NYNRIN: variants seen among roughly 807,000 people sequenced by gnomAD.
NYNRIN encodes the protein NYN domain and retroviral integrase containing.
A neutral mutation model predicts 146.6 loss-of-function variants in NYNRIN; 86 were observed. The observed-to-expected ratio is 0.59, with a 90% confidence interval of 0.49 to 0.70. The LOEUF is 0.70. NYNRIN is among the 30% of genes least tolerant of loss of function. The probability of loss-of-function intolerance (pLI) is 0.00; values close to 1 mark genes in which losing one functional copy is unlikely to be tolerated. For synonymous variants in NYNRIN, 1,027 were observed against 1,001.3 expected, an observed-to-expected ratio of 1.03 and a Z score of -0.48; for missense variants, 2,191 against 2,377.7, an observed-to-expected ratio of 0.92 and a Z score of 1.63.
chr14:24,414,166 T>G (rs1159983421), intron 8 of NYNRIN, among the ~76,000 whole-genome samples: 1 of 152,132 alleles, frequency 6.6e-6, no homozygotes, highest in Non-Finnish European at 1.5e-5. Flanking sequence ...CCTTGCCAAT[T>G]TGGAAAAAAG....
At chr14:24,407,577 A>G (rs1230929118) in intron 2 of NYNRIN, among the ~76,000 whole-genome samples, 1 of 152,194 alleles carries the variant, frequency 6.6e-6, no homozygotes, top group Non-Finnish European at 1.5e-5. Context: ...ATGCCCCACA[A>G]TTAACCTAAT....
intron 8 of NYNRIN, 68 bp from the exon 9 acceptor site, chr14:24,414,523 ACAGAG>A: frequency 8.7e-7 from 1 of 1,149,228 alleles, no homozygotes. Flanking sequence ...TGGGGTTTCC[ACAGAG>A]GTGCTTTCCC....
In NYNRIN at chr14:24,407,945, T is replaced by C. The variant is rs745526277; in HGVS notation, c.275T>C (p.Leu92Pro). 6.2e-7 allele frequency: 1 copy of C among 1,613,994 alleles called. No individual in the cohort carries two copies. Among genetic ancestry groups the C allele is most frequent in the Non-Finnish European group, 8.5e-7 (1 of 1,179,866 alleles). The change falls in exon 3 of 9, where the codon CTT becomes CCT. Residue 92 changes from leucine (L) to proline (P), a missense_variant. Leu to Pro is a moderately conservative substitution (Grantham distance 98). Around this residue, in one of 3 missense-constraint regions of NYNRIN, gnomAD observed 895 missense variants for 941.2 expected, o/e 0.95. Coordinates refer to ENST00000382554, the MANE Select transcript of NYNRIN (RefSeq NM_025081.3). ...RYPPILHCAF[L>P]GAQGLFLDCL... Reference sequence around the variant, plus strand: ...CCACCGATCCTGCACTGTGCCTTCCTTGGGGCCCAAGGCCTCTTCCTGGAC... The same window carrying C: ...CCACCGATCCTGCACTGTGCCTTCCCTGGGGCCCAAGGCCTCTTCCTGGAC...
rs765443117 is a variant in NYNRIN, at chr14:24,410,172, G to A, written c.2378G>A (p.Arg793Gln). 1.2e-5 allele frequency: 20 copies of A among 1,610,418 alleles called. No homozygotes were observed. Among genetic ancestry groups the A allele is most frequent in the Non-Finnish European group, 1.1e-5 (13 of 1,177,674 alleles). The change falls in exon 4 of 9, where the codon CGG (arginine) becomes CAG (glutamine). Residue 793 changes from arginine to glutamine, a missense_variant. By Grantham distance (43) the Arg-to-Gln change is conservative. Transcript: ENST00000382554. Reference protein sequence around the residue: ...LSGEPGNQGLRRVVIDGSSVA... With the variant: ...LSGEPGNQGLQRVVIDGSSVA... ...GGGGAACCTGGAAACCAGGGGTTGC[G>A]GCGAGTGGTCATCGATGGCAGCAGT...
In NYNRIN at chr14:24,409,901, G is replaced by A; in HGVS notation, c.2107G>A (p.Val703Ile). ...TLDVARLLSE[V>I]QPTSRASVSL... ...GGATGTAGCCAGACTTCTGAGTGAG[G>A]TCCAGCCTACATCAAGGGCTAGTGT... is the stretch of plus-strand genomic sequence containing the variant. Residue 703 changes from valine to isoleucine, a missense_variant, in exon 4 of 9, where the codon GTC (valine) becomes ATC (isoleucine). Physicochemically the swap from Val to Ile is conservative, Grantham distance 29. Around this residue, in one of 3 missense-constraint regions of NYNRIN, gnomAD observed 895 missense variants for 941.2 expected, o/e 0.95. Coordinates refer to ENST00000382554, the MANE Select transcript of NYNRIN (RefSeq NM_025081.3). 1 of 1,613,636 alleles carries A rather than the reference G, an allele frequency of 6.2e-7. No homozygotes were observed. Among genetic ancestry groups the A allele is most frequent in the Non-Finnish European group, 8.5e-7 (1 of 1,179,748 alleles).
At chr14:24,399,113 G>A in intron 1 of NYNRIN, 27 bp downstream of exon 1, 1 of 803,756 alleles carries the variant, frequency 1.2e-6, no homozygotes, top group Non-Finnish European at 1.9e-6. Context: ...GGAGGAAGGA[G>A]GCCGTGCGGG....
Position 24,408,174 on chromosome 14 carries a change from G to A in NYNRIN, c.504G>A (p.Trp168Ter). 2 of 1,600,730 alleles carry A rather than the reference G, an allele frequency of 1.2e-6. No individual in the cohort carries two copies. The highest frequency in any genetic ancestry group is 4.5e-5 in the East Asian group (2 of 44,664). The part of the protein sequence containing the change: ...EVTRAFGALV[W>*]IRGDQHAGDL... ...CCCGGGCCTTTGGGGCCCTGGTCTG[G>A]ATCCGTGGTGACCAGCATGCAGGGG... is the stretch of plus-strand genomic sequence containing the variant. The change falls in exon 3 of 9, where the codon TGG becomes TGA. Residue 168 changes from tryptophan to a stop codon, truncating the protein, a stop_gained. Coordinates refer to ENST00000382554, the MANE Select transcript of NYNRIN (RefSeq NM_025081.3). LOFTEE classifies it high-confidence loss of function.
chr14:24,416,047 G>T lies in NYNRIN; in HGVS notation c.4298G>T (p.Arg1433Leu). The T allele has an allele frequency of 6.2e-7, 1 of 1,613,938 alleles. No homozygotes were observed. Among genetic ancestry groups the T allele is most frequent in the Non-Finnish European group, 8.5e-7 (1 of 1,179,868 alleles). The change falls in exon 9 of 9, where the codon CGG becomes CTG. Residue 1433 changes from arginine to leucine, a missense_variant. Coordinates refer to ENST00000382554, the MANE Select transcript of NYNRIN (RefSeq NM_025081.3). ...SLPFIYRTSY[R>L]GSLFAVTVDT... ...CCGTTTATCTACCGAACCTCCTACC[G>T]GGGCTCTCTGTTTGCTGTGACAGTG...
At position 24,414,942 on chromosome 14, in the gene NYNRIN, C is replaced by G; in HGVS notation, c.3193C>G (p.Leu1065Val). 6.3e-7 allele frequency: 1 copy of G among 1,597,904 alleles called. No homozygotes were observed. The highest frequency in any genetic ancestry group is 8.6e-7 in the Non-Finnish European group (1 of 1,168,346). The change falls in exon 9 of 9, where the codon CTG becomes GTG. Residue 1065 changes from leucine (L) to valine (V), a missense_variant. Coordinates refer to ENST00000382554, the MANE Select transcript of NYNRIN (RefSeq NM_025081.3). The stretch of plus-strand genomic sequence containing the variant: ...CCTGCCAGGGGCAGCTTCTCCCTAC[C>G]TGGGCATCCCCTGGGATGGAAAGGC... The part of the protein sequence containing the change: ...DLLPGAASPY[L>V]GIPWDGKAPC...
rs2042888041 is a variant in NYNRIN, at chr14:24,408,202, C to T, written c.532C>T (p.Leu178=). 6.2e-7 allele frequency: 1 copy of T among 1,601,426 alleles called. No homozygotes were observed. Among genetic ancestry groups the T allele is most frequent in the Admixed American group, 1.7e-5 (1 of 58,584 alleles). ...CCGTGGTGACCAGCATGCAGGGGACCTACTGCAGCTGCCCCCAGCGGTCCA... is the reference window on the plus strand; with the variant it reads ...CCGTGGTGACCAGCATGCAGGGGACTTACTGCAGCTGCCCCCAGCGGTCCA... ...WIRGDQHAGD[L]LQLPPAVQEL... is the part of the protein sequence containing the mutation. Residue 178 remains leucine (L), a synonymous_variant, in exon 3 of 9, where the codon CTA becomes TTA. Coordinates refer to ENST00000382554, the MANE Select transcript of NYNRIN (RefSeq NM_025081.3).
In NYNRIN at chr14:24,416,694, T is replaced by C. The variant is rs368787980; in HGVS notation, c.4945T>C (p.Phe1649Leu). Reference protein sequence around the residue: ...ADPNTRWVEAFPLKPYTHTAV... With the variant: ...ADPNTRWVEALPLKPYTHTAV... ...CCCAAACACCAGGTGGGTGGAGGCA[T>C]TCCCCCTGAAGCCCTACACACACAC... The change falls in exon 9 of 9, where the codon TTC (phenylalanine) becomes CTC (leucine). Residue 1649 changes from phenylalanine (F) to leucine (L), a missense_variant. Phe to Leu is a conservative substitution (Grantham distance 22). Around this residue, in one of 3 missense-constraint regions of NYNRIN, gnomAD observed 1,291 missense variants for 1,417.0 expected, o/e 0.91. Coordinates refer to ENST00000382554, the MANE Select transcript of NYNRIN (RefSeq NM_025081.3). 241 of 1,613,856 alleles carry C rather than the reference T, an allele frequency of 1.5e-4. No individual in the cohort carries two copies. The highest frequency in any genetic ancestry group is 1.9e-4 in the Non-Finnish European group (228 of 1,179,846).
At position 24,416,242 on chromosome 14, in the gene NYNRIN, G is replaced by A. The variant is rs1373075048; in HGVS notation, c.4493G>A (p.Gly1498Glu). ...GACATCATTGCCAGGCTGCAGGCTG[G>A]GCAGAAACTGTCTGGCTCCTCACCG... ...LADIIARLQA[G>E]QKLSGSSPFS... is the part of the protein sequence containing the mutation. The change falls in exon 9 of 9, where the codon GGG becomes GAG. Residue 1498 changes from glycine to glutamate, a missense_variant. Coordinates refer to ENST00000382554, the MANE Select transcript of NYNRIN (RefSeq NM_025081.3). 1 of 1,613,958 alleles carries A rather than the reference G, an allele frequency of 6.2e-7. No homozygotes were observed. Among genetic ancestry groups the A allele is most frequent in the Non-Finnish European group, 8.5e-7 (1 of 1,179,884 alleles).
In NYNRIN at chr14:24,412,980, TTCCCCTCTC is replaced by T; in HGVS notation, c.2643-16_2643-8del. 1 of 1,558,112 alleles carries T rather than the reference TTCCCCTCTC, an allele frequency of 6.4e-7. No individual in the cohort carries two copies. Among genetic ancestry groups the T allele is most frequent in the Non-Finnish European group, 8.7e-7 (1 of 1,143,542 alleles). The stretch of plus-strand genomic sequence containing the variant: ...GGCTAGTTACTGGGTCATTAGTGAC[TTCCCCTCTC>T]CCTGCAGGTTCATGGTAAAGCTGGC... On this transcript the variant is annotated splice_region_variant and splice_polypyrimidine_tract_variant and intron_variant, in intron 6 of 8. Transcript: ENST00000382554.
intron 2 of NYNRIN, 86 bp downstream of exon 2, chr14:24,399,530 A>T: frequency 8.2e-7 from 1 of 1,218,536 alleles, no homozygotes; most frequent in East Asian, 2.6e-5. Context: ...GTCCGCAGAG[A>T]CACCACCCAC....
intron 2 of NYNRIN, among the ~76,000 whole-genome samples, chr14:24,400,628 A>G (rs8003430): frequency 0.83 from 126,860 of 152,044 alleles, 54,157 homozygotes; most frequent in Middle Eastern, 0.94. Context: ...TGTCTTCCCA[A>G]AGAACATATG....
rs1288719567 is a variant in NYNRIN, at chr14:24,411,234, C to T, written c.2545+28C>T. The T allele has an allele frequency of 1.2e-6, 2 of 1,610,142 alleles. No individual in the cohort carries two copies. The highest frequency in any genetic ancestry group is 1.7e-6 in the Non-Finnish European group (2 of 1,178,012). ...GAGGTGTCCCCTGCCTGCCCAGCCT[C>T]CACAGTGTCACCAAGCTTTCTTCTC... On this transcript the variant is annotated intron_variant, in intron 5 of 8. Coordinates refer to ENST00000382554, the MANE Select transcript of NYNRIN (RefSeq NM_025081.3). This position sits in a 1 kb window ranked among gnomAD's most constrained non-coding sequence, Gnocchi z 4.3.
At chr14:24,404,106 T>A (rs921274805) in intron 2 of NYNRIN, among the ~76,000 whole-genome samples, 1 of 152,230 alleles carries the variant, frequency 6.6e-6, no homozygotes, top group Admixed American at 6.5e-5. Context: ...TGGACACTCA[T>A]GTTCCTCAGA....
chr14:24,415,426 C>G lies in NYNRIN; in HGVS notation c.3677C>G (p.Thr1226Ser), dbSNP rs751722096. Reference protein sequence around the residue: ...LKHFSRCIGDTPVVLDLSYAS... With the variant: ...LKHFSRCIGDSPVVLDLSYAS... Reference sequence around the variant, plus strand: ...CATTTTTCCCGCTGCATTGGAGACACCCCGGTGGTCCTGGACCTTTCCTAT... The same window carrying G: ...CATTTTTCCCGCTGCATTGGAGACAGCCCGGTGGTCCTGGACCTTTCCTAT... The change falls in exon 9 of 9, where the codon ACC becomes AGC. Residue 1226 changes from threonine to serine, a missense_variant. This residue lies in a region of NYNRIN where 1,291 missense variants were observed against 1,417.0 expected (regional missense o/e 0.91). Transcript: ENST00000382554. The G allele has an allele frequency of 3.1e-6, 5 of 1,613,980 alleles. No individual in the cohort carries two copies. The South Asian group carries it at 5.5e-5, about 18-fold the overall frequency.
chr14:24,399,132 C>A lies in NYNRIN; in HGVS notation c.-18+46C>A, dbSNP rs2042823142. The A allele has an allele frequency of 4.1e-6, 4 of 976,938 alleles. No individual in the cohort carries two copies. In the Admixed American group the frequency reaches 8.8e-5, roughly 22 times the overall value. The allele number at this position is 976,938 out of a possible 1,614,324, so 60.5% of individuals were successfully genotyped here. A position where few individuals can be genotyped will look rare whatever the true frequency, so the allele number is the denominator to read the frequency against. ...GAAGGAGGCCGTGCGGGGGGCGCGC[C>A]GCGGGGAGGAGGGGGCGTGGCTTAG... On this transcript the variant is annotated intron_variant, in intron 1 of 8. Transcript: ENST00000382554.
Sources: gnomAD v4.1 joint callset for allele counts (sites outside exome capture counted in the v4.1 genomes callset) on GRCh38, gnomAD v4.1.1 for gene constraint, gnomAD v4.1.1 regional missense constraint, Gnocchi (gnomAD v3.1) non-coding constraint, MANE v1.5 for transcripts, NCBI Gene and HGNC (gene_info 2026-07-23, HGNC 2026-07-21) for gene names.